The following LAMC1 variants were observed in gnomAD, a reference collection of about 807,000 sequenced individuals.
The protein encoded by LAMC1 is laminin subunit gamma 1.
LAMC1 carries 38 observed loss-of-function variants against 173.6 expected under a neutral mutation model. The ratio of observed to expected loss-of-function variants is 0.22; its 90% CI spans 0.17 to 0.29. The LOEUF (loss-of-function observed/expected upper bound fraction) is 0.29, where lower values mean the gene tolerates loss of function less well. LAMC1 is among the 10% of genes least tolerant of loss of function. The probability of loss-of-function intolerance (pLI) is 1.00; values close to 1 mark genes in which losing one functional copy is unlikely to be tolerated. For missense variants in LAMC1, 1,824 were observed against 2,051.8 expected (o/e 0.89, Z 2.14); for synonymous variants, 746 against 749.1 (o/e 1.00, Z 0.07).
intron 11 of LAMC1, 103 bp from the exon 12 acceptor site, chr1:183,121,620 T>A: frequency 2.1e-6 from 2 of 951,856 alleles, no homozygotes; most frequent in Non-Finnish European, 3.1e-6. Flanking sequence ...ATGGCTAATT[T>A]TCTCTGGAAT....
intron 1 of LAMC1, among the ~76,000 whole-genome samples, chr1:183,092,016 G>A (rs1159902093): frequency 6.6e-6 from 1 of 152,186 alleles, no homozygotes; most frequent in Non-Finnish European, 1.5e-5. Flanking sequence ...GAATGATAGA[G>A]GAAATTGGCT....
At chr1:183,067,302 T>C (rs150954273) in intron 1 of LAMC1, among the ~76,000 whole-genome samples, 2 of 152,342 alleles carry the variant, frequency 1.3e-5, no homozygotes, top group African/African-American at 2.4e-5. Context: ...TGTTTAGAAT[T>C]CTTTTTTTGT....
At chr1:183,093,529 T>TTATC (rs760934439) in intron 1 of LAMC1, among the ~76,000 whole-genome samples, 9 of 152,182 alleles carry the variant, frequency 5.9e-5, no homozygotes, top group Admixed American at 5.9e-4. Context: ...TGTGTACCTC[T>TTATC]TATCTATCTA....
At chr1:183,121,016 T>C in intron 11 of LAMC1, among the ~76,000 whole-genome samples, 1 of 152,186 alleles carries the variant, frequency 6.6e-6, no homozygotes, top group African/African-American at 2.4e-5. Context: ...CCCACACTCT[T>C]GTTCATATCT....
rs182174528 is a variant in LAMC1 at position 183,123,949 on chromosome 1, A to G, written c.2402-682A>G. Among the ~76,000 whole-genome samples, 13 of 152,374 alleles carry G rather than the reference A, an allele frequency of 8.5e-5. No homozygotes were observed. The East Asian group carries it at 2.5e-3, about 29-fold the overall frequency. Reference sequence around the variant, plus strand: ...GAGCCCAACTTGAACTAATCAAGGTAGGAAAGTGGAAAAGGAAGGATGAGG... The same window carrying G: ...GAGCCCAACTTGAACTAATCAAGGTGGGAAAGTGGAAAAGGAAGGATGAGG... On this transcript the variant is annotated intron_variant, in intron 13 of 27. Transcript: ENST00000258341.
At chr1:183,098,354 C>G (rs556124007) in intron 1 of LAMC1, among the ~76,000 whole-genome samples, 162 of 152,340 alleles carry the variant, frequency 1.1e-3, no homozygotes, top group Middle Eastern at 3.4e-3. Context: ...TTTGACCCCT[C>G]TATTCCATTT....
rs1398156321 is a variant in LAMC1, at chr1:183,117,235, CT to C, written c.1565-83del. On this transcript the variant is annotated intron_variant, in intron 8 of 27. Coordinates refer to ENST00000258341, the MANE Select transcript of LAMC1 (RefSeq NM_002293.4). ...TGCCTTTCTGTATACAAGGTGTGGT[CT>C]TACACATTTTTATGATACATAGAGG... is the stretch of plus-strand genomic sequence containing the variant. The C allele has an allele frequency of 4.9e-6, 7 of 1,442,728 alleles. No homozygotes were observed. The African/African-American group carries it at 9.9e-5, about 20-fold the overall frequency. 89.4% of individuals were successfully genotyped at this position (1,442,728 alleles called of 1,614,324 possible).
At chr1:183,091,476 A>C (rs1009086710) in intron 1 of LAMC1, among the ~76,000 whole-genome samples, 10 of 151,236 alleles carry the variant, frequency 6.6e-5, no homozygotes, top group African/African-American at 1.2e-4. Flanking sequence ...AGTGTGTCCT[A>C]CCTCCCTCCC....
intron 1 of LAMC1, among the ~76,000 whole-genome samples, chr1:183,029,547 T>A (rs1240220772): frequency 1.3e-5 from 2 of 152,216 alleles, no homozygotes; most frequent in Non-Finnish European, 2.9e-5. Flanking sequence ...GATCTGGACC[T>A]TTTTGTTGCT....
At chr1:183,074,130 A>G (rs767598553) in intron 1 of LAMC1, among the ~76,000 whole-genome samples, 1 of 152,234 alleles carries the variant, frequency 6.6e-6, no homozygotes, top group Non-Finnish European at 1.5e-5. Context: ...GAAATTATGC[A>G]ATTATTCAAA....
At chr1:183,026,340 A>G (rs1334908145) in intron 1 of LAMC1, among the ~76,000 whole-genome samples, 1 of 152,140 alleles carries the variant, frequency 6.6e-6, no homozygotes, top group African/African-American at 2.4e-5. Flanking sequence ...GAAATCATGC[A>G]TAGTGGAGGA....
At chr1:183,103,752 G>A (rs1008726954) in intron 2 of LAMC1, 120 bp downstream of exon 2, 3 of 762,574 alleles carry the variant, frequency 3.9e-6, no homozygotes, top group African/African-American at 1.7e-5. Context: ...TAGAATACTT[G>A]AGCAACACAG....
chr1:183,101,690 A>G (rs1655838141), intron 1 of LAMC1, among the ~76,000 whole-genome samples: 1 of 152,060 alleles, frequency 6.6e-6, no homozygotes, highest in Admixed American at 6.6e-5. Context: ...ACAAAGAGAA[A>G]ATGGCAGAGC....
At chr1:183,031,465 C>T (rs1189494122) in intron 1 of LAMC1, among the ~76,000 whole-genome samples, 1 of 152,124 alleles carries the variant, frequency 6.6e-6, no homozygotes, top group Non-Finnish European at 1.5e-5. Flanking sequence ...CCACCACACC[C>T]AGCTAATTTT....
rs1383185488 is a variant in LAMC1 at position 183,108,341 on chromosome 1, G to T, written c.789G>T (p.Val263=). The T allele has an allele frequency of 3.1e-6, 5 of 1,613,632 alleles. No homozygotes were observed. In the East Asian group the frequency reaches 8.9e-5, roughly 29 times the overall value. The change falls in exon 3 of 28, where the codon GTG becomes GTT. Residue 263 remains valine (V), a synonymous_variant. Transcript: ENST00000258341. ...LNRLNTFGDE[V]FNDPKVLKSY... is the part of the protein sequence containing the mutation. ...GCCTGAACACTTTTGGAGATGAAGT[G>T]TTTAACGATCCCAAAGTTCTCAAGT...
intron 19 of LAMC1, 41 bp from the exon 20 acceptor site, chr1:183,131,258 A>G: frequency 6.7e-7 from 1 of 1,490,900 alleles, no homozygotes. Flanking sequence ...AAATGTAAAT[A>G]ATTCAGTCCT....
chr1:183,067,194 A>G (rs1654896248), intron 1 of LAMC1, among the ~76,000 whole-genome samples: 1 of 152,224 alleles, frequency 6.6e-6, no homozygotes, highest in South Asian at 2.1e-4. Context: ...CAGATTTTAA[A>G]TCTAGGACTT....
chr1:183,089,491 A>G (rs1655513256), intron 1 of LAMC1, among the ~76,000 whole-genome samples: 1 of 152,232 alleles, frequency 6.6e-6, no homozygotes, highest in South Asian at 2.1e-4. Flanking sequence ...AAACAGTTTC[A>G]AGCGTGATTG....
rs78222905 is a variant in LAMC1 at position 183,139,271 on chromosome 1, A to C, written c.4474-1133A>C. Among the ~76,000 whole-genome samples, 549 of 152,298 alleles carry C rather than the reference A, an allele frequency of 3.6e-3. 1 individual carries two copies. Among genetic ancestry groups the C allele is most frequent in the African/African-American group, 0.013 (536 of 41,548 alleles). ...TTCTAAGGAAACAAACCACCCTCAC[A>C]TGCACTATCTCATTTGTATTTCTGT... On this transcript the variant is annotated intron_variant, in intron 26 of 27. Coordinates refer to ENST00000258341, the MANE Select transcript of LAMC1 (RefSeq NM_002293.4).
Sources: gnomAD v4.1 joint callset for allele counts (sites outside exome capture counted in the v4.1 genomes callset) on GRCh38, gnomAD v4.1.1 for gene constraint, MANE v1.5 for transcripts, NCBI Gene and HGNC (gene_info 2026-07-23, HGNC 2026-07-21) for gene names.